ADRA1B: variants seen among roughly 807,000 people sequenced by gnomAD.
ADRA1B encodes alpha-1B adrenergic receptor.
ADRA1B carries 17 observed loss-of-function variants against 17.9 expected under a neutral mutation model. The observed-to-expected ratio is 0.95, with a 90% CI of 0.65 to 1.42. The LOEUF is 1.42. Ranked by LOEUF, ADRA1B falls within the 40% of genes most tolerant of loss-of-function variation. ADRA1B has a pLI of 0.00. For missense variants in ADRA1B, 681 were observed against 722.1 expected, an observed-to-expected ratio of 0.94 and a Z score of 0.65; for synonymous variants, 366 against 327.6, an observed-to-expected ratio of 1.12 and a Z score of -1.27.
chr5:159,913,686 C>T (rs1350330816), upstream of ADRA1B, among the ~76,000 whole-genome samples: 1 of 152,042 alleles, frequency 6.6e-6, no homozygotes, highest in African/African-American at 2.4e-5. Flanking sequence ...GGCCTTTTGC[C>T]ACCACAGAAA....
At chr5:159,946,489 T>C (rs1755275799) in intron 1 of ADRA1B, among the ~76,000 whole-genome samples, 1 of 152,216 alleles carries the variant, frequency 6.6e-6, no homozygotes, top group Admixed American at 6.5e-5. Flanking sequence ...CCATTTCTCC[T>C]TCCAGTCCAT....
At chr5:159,962,891 T>A (rs1755700933) in intron 1 of ADRA1B, among the ~76,000 whole-genome samples, 1 of 147,034 alleles carries the variant, frequency 6.8e-6, no homozygotes, top group Non-Finnish European at 1.5e-5. Flanking sequence ...TTTTAGCTTT[T>A]ATTTCTTTTT....
intron 1 of ADRA1B, among the ~76,000 whole-genome samples, chr5:159,896,744 C>T (rs1023188985): frequency 6.6e-6 from 1 of 152,132 alleles, no homozygotes; most frequent in African/African-American, 2.4e-5. Flanking sequence ...ATGTAACAAC[C>T]CCCTTGACAA....
At chr5:159,895,185 G>T (rs1020088652) in intron 1 of ADRA1B, among the ~76,000 whole-genome samples, 4 of 152,292 alleles carry the variant, frequency 2.6e-5, no homozygotes, top group African/African-American at 9.6e-5. Flanking sequence ...GAGCCGGCTG[G>T]AGCCTGATGC....
intron 1 of ADRA1B, among the ~76,000 whole-genome samples, chr5:159,881,091 G>A (rs1051348255): frequency 3.3e-5 from 5 of 150,174 alleles, no homozygotes; most frequent in African/African-American, 9.8e-5. Context: ...GGAGAATGGC[G>A]TGAACCCAGG....
At chr5:159,876,659 C>T (rs544693567) in intron 1 of ADRA1B, among the ~76,000 whole-genome samples, 3 of 152,112 alleles carry the variant, frequency 2.0e-5, no homozygotes, top group South Asian at 2.1e-4. Context: ...TAAGTATGGG[C>T]GACACATACC....
At chr5:159,963,529 T>C (rs1268364683) in intron 1 of ADRA1B, among the ~76,000 whole-genome samples, 7 of 152,256 alleles carry the variant, frequency 4.6e-5, no homozygotes, top group East Asian at 1.9e-4. Context: ...TCATCAAGAA[T>C]TGTTGTAAAG....
intron 1 of ADRA1B, among the ~76,000 whole-genome samples, chr5:159,874,898 A>G (rs1753785754): frequency 6.6e-6 from 1 of 152,182 alleles, no homozygotes; most frequent in South Asian, 2.1e-4. Flanking sequence ...ATGTCCTTGT[A>G]TTTTCCATGG....
chr5:159,984,810 G>A, the ADRA1B span, among the ~76,000 whole-genome samples: 1 of 151,636 alleles, frequency 6.6e-6, no homozygotes, highest in South Asian at 2.1e-4. Context: ...TTGGGAGGCT[G>A]AGGCAGGAGA....
At chr5:159,878,904 A>G (rs184301917) in intron 1 of ADRA1B, among the ~76,000 whole-genome samples, 21 of 152,248 alleles carry the variant, frequency 1.4e-4, no homozygotes, top group Admixed American at 1.0e-3. Context: ...AGTGGATAAG[A>G]CAGACAGCCT....
At chr5:159,909,275 G>T (rs543180191) in intron 1 of ADRA1B, among the ~76,000 whole-genome samples, 2 of 152,224 alleles carry the variant, frequency 1.3e-5, no homozygotes, top group Admixed American at 1.3e-4. Context: ...TGCCACCTCT[G>T]CCAGACAATG....
chr5:159,895,820 A>T (rs182590408), intron 1 of ADRA1B, among the ~76,000 whole-genome samples: 33 of 152,300 alleles, frequency 2.2e-4, no homozygotes, highest in Admixed American at 2.1e-3. Context: ...GCGTGGTCCA[A>T]TTTCAGTGCT....
At chr5:159,984,329 G>T in the ADRA1B span, among the ~76,000 whole-genome samples, 1 of 151,992 alleles carries the variant, frequency 6.6e-6, no homozygotes, top group Non-Finnish European at 1.5e-5. Context: ...TCCCACAATG[G>T]CTGCTCCCCC....
intron 1 of ADRA1B, among the ~76,000 whole-genome samples, chr5:159,954,829 A>G (rs751208329): frequency 6.6e-6 from 1 of 152,172 alleles, no homozygotes; most frequent in African/African-American, 2.4e-5. Context: ...TCAGACTTTT[A>G]TCATTGAGAT....
the ADRA1B span, among the ~76,000 whole-genome samples, chr5:159,986,815 A>G: frequency 6.6e-6 from 1 of 152,136 alleles, no homozygotes; most frequent in Non-Finnish European, 1.5e-5. Context: ...TTCCAGGGGC[A>G]TGGGTGATCC....
intron 1 of ADRA1B, among the ~76,000 whole-genome samples, chr5:159,939,441 C>A (rs1581051671): frequency 1.3e-5 from 2 of 151,974 alleles, no homozygotes. Flanking sequence ...AAGCTGGTAC[C>A]CTGCTGAATT....
chr5:159,979,729 G>A, the ADRA1B span, among the ~76,000 whole-genome samples: 11 of 152,088 alleles, frequency 7.2e-5, no homozygotes, highest in African/African-American at 2.4e-4. Flanking sequence ...TCAGCTAGGC[G>A]TGGTGGCACC....
chr5:159,869,129 T>TA (rs1753703988), intron 1 of ADRA1B: 1 of 152,180 alleles, frequency 6.6e-6, no homozygotes, highest in Admixed American at 6.5e-5. Context: ...GTAAAGAGAT[T>TA]ATTATTACCA....
intron 1 of ADRA1B, among the ~76,000 whole-genome samples, chr5:159,888,844 C>T (rs1204172859): frequency 6.6e-6 from 1 of 152,220 alleles, no homozygotes; most frequent in African/African-American, 2.4e-5. Flanking sequence ...GAAGCTATTA[C>T]ACTTACTTTT....
Sources: gnomAD v4.1 joint callset for allele counts (sites outside exome capture counted in the v4.1 genomes callset) on GRCh38, gnomAD v4.1.1 for gene constraint, MANE v1.5 for transcripts, NCBI Gene and HGNC (gene_info 2026-07-23, HGNC 2026-07-21) for gene names.